The following SLC6A5 variants were observed in gnomAD, a reference collection of about 807,000 sequenced individuals.
The protein encoded by SLC6A5 is solute carrier family 6 member 5.
Under a neutral mutation model 90.5 loss-of-function variants are expected in SLC6A5, and 58 were observed. The observed-to-expected ratio is 0.64, with a 90% CI of 0.52 to 0.80. The LOEUF (loss-of-function observed/expected upper bound fraction) is 0.80. SLC6A5 is among the 30% of genes least tolerant of loss of function. The pLI is 0.00. For synonymous variants in SLC6A5, 427 were observed against 401.4 expected, an observed-to-expected ratio of 1.06 and a Z score of -0.76; for missense variants, 1,015 against 1,017.6, an observed-to-expected ratio of 1.00 and a Z score of 0.03.
At chr11:20,608,846 C>A (rs1456530650) in intron 5 of SLC6A5, among the ~76,000 whole-genome samples, 3 of 151,658 alleles carry the variant, frequency 2.0e-5, no homozygotes, top group Admixed American at 1.3e-4. Context: ...TCTCGCAGAC[C>A]CAGAGAGATG....
chr11:20,609,662 T>C (rs1373075372), intron 5 of SLC6A5, among the ~76,000 whole-genome samples: 3 of 152,228 alleles, frequency 2.0e-5, no homozygotes, highest in Non-Finnish European at 4.4e-5. Context: ...ACCCACATCC[T>C]GTGACTGCTG....
intron 5 of SLC6A5, among the ~76,000 whole-genome samples, chr11:20,609,496 C>G (rs1346984993): frequency 6.6e-6 from 1 of 152,126 alleles, no homozygotes; most frequent in African/African-American, 2.4e-5. Flanking sequence ...CACTGCTCTG[C>G]TGGACAAATC....
intron 5 of SLC6A5, among the ~76,000 whole-genome samples, chr11:20,608,128 C>T (rs1852618962): frequency 6.6e-6 from 1 of 152,302 alleles, no homozygotes; most frequent in Non-Finnish European, 1.5e-5. Context: ...TGGTCTAATT[C>T]CTAGAGTCCA....
intron 3 of SLC6A5, among the ~76,000 whole-genome samples, chr11:20,606,662 T>C (rs527559056): frequency 2.6e-5 from 4 of 152,144 alleles, no homozygotes; most frequent in South Asian, 4.1e-4. Flanking sequence ...GTCAAAGGCA[T>C]GGACTGGTTG....
Position 20,654,991 on chromosome 11 carries a change from G to A in SLC6A5, c.*123G>A, listed in dbSNP as rs372260062. On this transcript the variant is annotated 3_prime_UTR_variant, in exon 16 of 16. Transcript: ENST00000525748. ...TTCCTACATCTTGGTTCACATCCAC[G>A]CATGAGAGTGATTATGTAGAAAAGT... 1.1e-5 allele frequency: 11 copies of A among 1,029,048 alleles called. No individual in the cohort carries two copies. Among genetic ancestry groups the A allele is most frequent in the South Asian group, 1.0e-4 (8 of 78,934 alleles). 63.7% of individuals were successfully genotyped at this position (1,029,048 alleles called of 1,614,324 possible).
intron 7 of SLC6A5, among the ~76,000 whole-genome samples, chr11:20,620,347 C>T (rs1216616339): frequency 1.3e-5 from 2 of 152,284 alleles, no homozygotes; most frequent in Non-Finnish European, 1.5e-5. Context: ...TGACTCTGGA[C>T]AAGCTATTTA....
intron 8 of SLC6A5, among the ~76,000 whole-genome samples, chr11:20,627,083 T>A (rs1853012401): frequency 6.6e-6 from 1 of 152,212 alleles, no homozygotes; most frequent in African/African-American, 2.4e-5. Context: ...AAATGAAGAA[T>A]GAAATCCCCT....
chr11:20,617,378 G>A (rs1852801243), intron 6 of SLC6A5, among the ~76,000 whole-genome samples: 1 of 152,196 alleles, frequency 6.6e-6, no homozygotes, highest in Non-Finnish European at 1.5e-5. Context: ...AAAGAGTAGA[G>A]CAATACAGAA....
chr11:20,650,191 C>T (rs553886139), intron 14 of SLC6A5, among the ~76,000 whole-genome samples: 23 of 152,292 alleles, frequency 1.5e-4, no homozygotes, highest in Non-Finnish European at 3.1e-4. Context: ...TACATAGGTA[C>T]ATTATTCTAG....
Position 20,626,825 on chromosome 11 carries a change from A to C in SLC6A5, c.1378A>C (p.Lys460Gln), listed in dbSNP as rs1444737686. Residue 460 changes from lysine to glutamine, a missense_variant, in exon 8 of 16, where the codon AAA becomes CAA. By Grantham distance (53) the Lys-to-Gln change is moderately conservative. Transcript: ENST00000525748. ...GTACTTCATCACACCCAAGTGGGAG[A>C]AACTCACGGATGCCACGGTGGGCTT... ...IWYFITPKWEKLTDATVWKDA... is the reference protein window; with the variant it reads ...IWYFITPKWEQLTDATVWKDA... 1 of 1,613,924 alleles carries C rather than the reference A, an allele frequency of 6.2e-7. No individual in the cohort carries two copies. Among genetic ancestry groups the C allele is most frequent in the Non-Finnish European group, 8.5e-7 (1 of 1,179,874 alleles).
intron 10 of SLC6A5, among the ~76,000 whole-genome samples, chr11:20,635,172 G>A (rs1263232678): frequency 2.6e-5 from 4 of 152,130 alleles, no homozygotes; most frequent in Non-Finnish European, 5.9e-5. Context: ...TGATGATGTA[G>A]GGGGTACTGG....
At chr11:20,600,690 T>C (rs1264964239) in intron 1 of SLC6A5, among the ~76,000 whole-genome samples, 1 of 152,102 alleles carries the variant, frequency 6.6e-6, no homozygotes, top group Non-Finnish European at 1.5e-5. Context: ...CCACAGCTTG[T>C]CTATGGGGGA....
Position 20,645,392 on chromosome 11 carries a change from G to A in SLC6A5, c.1970-1442G>A, listed in dbSNP as rs531939351. Among the ~76,000 whole-genome samples, 14 of 152,218 alleles carry A rather than the reference G, an allele frequency of 9.2e-5. No homozygotes were observed. In the South Asian group the frequency reaches 2.5e-3, roughly 27 times the overall value. ...GAAGTGGGAGAGGTGGCCAGTGAAG[G>A]CAGGAAGAGGAGCACCCAGAGACTG... On this transcript the variant is annotated intron_variant, in intron 13 of 15. Coordinates refer to ENST00000525748, the MANE Select transcript of SLC6A5 (RefSeq NM_004211.5).
chr11:20,603,674 T>C (rs868561826), intron 2 of SLC6A5, among the ~76,000 whole-genome samples: 1 of 152,336 alleles, frequency 6.6e-6, no homozygotes, highest in Middle Eastern at 3.4e-3. Context: ...TCTTGAAGGA[T>C]GCCTTCTTAA....
chr11:20,618,286 C>G (rs1212537984), intron 7 of SLC6A5, among the ~76,000 whole-genome samples: 1 of 152,200 alleles, frequency 6.6e-6, no homozygotes, highest in Non-Finnish European at 1.5e-5. Flanking sequence ...TTAGCTATTG[C>G]TTCTGCCAAG....
chr11:20,624,968 G>T (rs755974684), intron 7 of SLC6A5, among the ~76,000 whole-genome samples: 11 of 152,156 alleles, frequency 7.2e-5, no homozygotes, highest in Non-Finnish European at 1.5e-4. Context: ...TTGCCACTTT[G>T]CAGGTGTGGA....
intron 12 of SLC6A5, 84 bp from the exon 13 acceptor site, chr11:20,638,375 T>C (rs1853249878): frequency 4.7e-6 from 4 of 843,686 alleles, no homozygotes; most frequent in East Asian, 5.0e-5. Context: ...CTTTTTAGGA[T>C]TGAGAGAACT....
intron 12 of SLC6A5, 131 bp downstream of exon 12, chr11:20,637,434 GC>G (rs1237183616): frequency 2.5e-6 from 2 of 798,390 alleles, no homozygotes; most frequent in African/African-American, 3.4e-5. Flanking sequence ...CATGTAGATG[GC>G]ACCAGTTCAT....
chr11:20,607,555 C>T lies in SLC6A5; in HGVS notation c.888C>T (p.Phe296=). 6.2e-7 allele frequency: 1 copy of T among 1,614,086 alleles called. No individual in the cohort carries two copies. The highest frequency in any genetic ancestry group is 1.7e-5 in the Admixed American group (1 of 60,034). The change falls in exon 5 of 16, where the codon TTC becomes TTT. Residue 296 remains phenylalanine, a synonymous_variant. Coordinates refer to ENST00000525748, the MANE Select transcript of SLC6A5 (RefSeq NM_004211.5). The part of the protein sequence containing the change: ...YYNVIICYTL[F]YLFASFVSVL... ...ATGTGATTATTTGCTATACACTTTT[C>T]TACCTGTTTGCCTCCTTTGTGTCTG...
Sources: gnomAD v4.1 joint callset for allele counts (sites outside exome capture counted in the v4.1 genomes callset) on GRCh38, gnomAD v4.1.1 for gene constraint, MANE v1.5 for transcripts, NCBI Gene and HGNC (gene_info 2026-07-23, HGNC 2026-07-21) for gene names.